Variants in DAB1 observed in about 807,000 individuals in gnomAD.
The protein encoded by DAB1 is DAB adaptor protein 1.
DAB1 carries 15 observed loss-of-function variants against 64.6 expected under a neutral mutation model. The observed-to-expected ratio is 0.23, with a 90% confidence interval of 0.16 to 0.36. The LOEUF (loss-of-function observed/expected upper bound fraction) is 0.36. DAB1 is among the 10% of genes least tolerant of loss of function. DAB1 has a pLI of 1.00. For missense variants in DAB1, 596 were observed against 706.7 expected, an observed-to-expected ratio of 0.84 and a Z score of 1.78; for synonymous variants, 235 against 251.9, an observed-to-expected ratio of 0.93 and a Z score of 0.64.
intron 1 of DAB1, among the ~76,000 whole-genome samples, chr1:57,406,382 T>C (rs1683642519): frequency 6.6e-6 from 1 of 152,236 alleles, no homozygotes; most frequent in African/African-American, 2.4e-5. Flanking sequence ...AGCCACCACA[T>C]TATTATTTGT....
chr1:57,864,056 G>A (rs756289820), intron 1 of DAB1, among the ~76,000 whole-genome samples: 1 of 152,148 alleles, frequency 6.6e-6, no homozygotes, highest in Non-Finnish European at 1.5e-5. Context: ...ATATCAGGAG[G>A]TGATGTGTGC....
intron 6 of DAB1, among the ~76,000 whole-genome samples, chr1:57,801,904 C>T (rs1291919217): frequency 1.3e-5 from 2 of 152,162 alleles, no homozygotes; most frequent in South Asian, 2.1e-4. Flanking sequence ...GCAATCCAAC[C>T]GCCTTGGCTC....
intron 3 of DAB1, among the ~76,000 whole-genome samples, chr1:58,473,223 T>C (rs1381939987): frequency 6.6e-6 from 1 of 152,152 alleles, no homozygotes; most frequent in Admixed American, 6.6e-5. Context: ...TCACTCAGAC[T>C]CTCTGGGCTC....
At chr1:57,321,528 C>T (rs1675713905) in intron 1 of DAB1, among the ~76,000 whole-genome samples, 1 of 152,146 alleles carries the variant, frequency 6.6e-6, no homozygotes, top group South Asian at 2.1e-4. Flanking sequence ...ACTTTTTATA[C>T]ATGGGCGTGT....
chr1:58,173,954 A>C (rs1438193458), intron 4 of DAB1, among the ~76,000 whole-genome samples: 1 of 152,176 alleles, frequency 6.6e-6, no homozygotes, highest in Non-Finnish European at 1.5e-5. Flanking sequence ...TAGCCAGTTT[A>C]TCTACTTCAT....
chr1:58,291,271 CA>C (rs2100450251), intron 4 of DAB1, among the ~76,000 whole-genome samples: 1 of 152,258 alleles, frequency 6.6e-6, no homozygotes, highest in South Asian at 2.1e-4. Context: ...GGCCTGGAGA[CA>C]GGGGGAGGCA....
At chr1:57,040,674 C>A (rs1244327753) in intron 9 of DAB1, among the ~76,000 whole-genome samples, 1 of 152,166 alleles carries the variant, frequency 6.6e-6, no homozygotes, top group Non-Finnish European at 1.5e-5. Flanking sequence ...AAAGGGGAAG[C>A]ATTTCTAAAA....
At chr1:58,175,348 T>C (rs1656410117) in intron 4 of DAB1, among the ~76,000 whole-genome samples, 1 of 152,146 alleles carries the variant, frequency 6.6e-6, no homozygotes. Flanking sequence ...TGGACACATC[T>C]GAACATCTGA....
chr1:57,094,142 C>T (rs1219378437), intron 4 of DAB1, among the ~76,000 whole-genome samples: 2 of 146,472 alleles, frequency 1.4e-5, no homozygotes, highest in African/African-American at 5.0e-5. Flanking sequence ...TTGGAGTTGA[C>T]ATCTTCAAAA....
At chr1:58,505,235 A>T (rs1300306796) in intron 3 of DAB1, among the ~76,000 whole-genome samples, 1 of 152,248 alleles carries the variant, frequency 6.6e-6, no homozygotes, top group Non-Finnish European at 1.5e-5. Context: ...AACAGGCATG[A>T]GAAAGATACT....
chr1:57,820,801 C>T (rs1397465911), intron 6 of DAB1, among the ~76,000 whole-genome samples: 1 of 152,126 alleles, frequency 6.6e-6, no homozygotes, highest in Non-Finnish European at 1.5e-5. Context: ...GTTTAGTCCC[C>T]TTTCTGTCAA....
At chr1:58,396,131 G>A (rs1384836991) in intron 3 of DAB1, among the ~76,000 whole-genome samples, 2 of 151,752 alleles carry the variant, frequency 1.3e-5, no homozygotes, top group Non-Finnish European at 2.9e-5. Context: ...AGGGGAGGGA[G>A]GGGAGGGGGG....
intron 7 of DAB1, among the ~76,000 whole-genome samples, chr1:57,479,732 G>A (rs1225199272): frequency 6.6e-6 from 1 of 152,100 alleles, no homozygotes. Flanking sequence ...CACAATGGAA[G>A]CTCCTTGAGC....
intron 7 of DAB1, among the ~76,000 whole-genome samples, chr1:57,500,654 A>G (rs1644279839): frequency 6.6e-6 from 1 of 152,174 alleles, no homozygotes; most frequent in Admixed American, 6.5e-5. Flanking sequence ...CTCCTCACTC[A>G]AGATTTCGTT....
intron 1 of DAB1, among the ~76,000 whole-genome samples, chr1:57,868,917 C>A (rs978320328): frequency 2.9e-4 from 44 of 152,106 alleles, no homozygotes; most frequent in African/African-American, 1.0e-3. Flanking sequence ...ATTCAGAAGG[C>A]ATCTTGATGC....
intron 1 of DAB1, among the ~76,000 whole-genome samples, chr1:57,853,695 G>A (rs1284261036): frequency 1.3e-5 from 2 of 152,120 alleles, no homozygotes; most frequent in African/African-American, 4.8e-5. Flanking sequence ...ACTAGAATGA[G>A]TTGTTCCCTT....
intron 5 of DAB1, among the ~76,000 whole-genome samples, chr1:57,902,120 G>A (rs1251084925): frequency 6.7e-6 from 1 of 149,552 alleles, no homozygotes; most frequent in East Asian, 2.0e-4. Context: ...TAACACCACT[G>A]GTCTCCAGCC....
At chr1:57,980,833 C>A (rs1420121901) in intron 5 of DAB1, among the ~76,000 whole-genome samples, 1 of 151,776 alleles carries the variant, frequency 6.6e-6, no homozygotes, top group Non-Finnish European at 1.5e-5. Context: ...TTAGTCATTC[C>A]TTTTCTGTAA....
At chr1:57,651,034 T>G (rs2101654964) in intron 6 of DAB1, among the ~76,000 whole-genome samples, 1 of 152,098 alleles carries the variant, frequency 6.6e-6, no homozygotes, top group Middle Eastern at 3.4e-3. Context: ...AAAATTATAT[T>G]AAGAAAATTG....
Sources: allele counts gnomAD v4.1 joint callset (sites outside exome capture counted in the v4.1 genomes callset), GRCh38; gene constraint gnomAD v4.1.1; transcripts MANE v1.5; gene names NCBI Gene and HGNC (gene_info 2026-07-23, HGNC 2026-07-21).